LRMDA: variants seen among roughly 807,000 people sequenced by gnomAD.
The protein encoded by LRMDA is leucine rich melanocyte differentiation associated, also known as leucine-rich melanocyte differentiation-associated protein.
LRMDA carries 18 observed loss-of-function variants against 29.8 expected under a neutral mutation model. The observed-to-expected ratio is 0.60, with a 90% CI of 0.42 to 0.90. LRMDA has a LOEUF of 0.90. Among genes scored for constraint, LRMDA ranks in the 40% least tolerant of loss-of-function variants. The pLI is 0.00. For missense variants in LRMDA, 273 were observed against 273.9 expected (o/e 1.00, Z 0.02); for synonymous variants, 125 against 109.4 (o/e 1.14, Z -0.89).
intron 5 of LRMDA, among the ~76,000 whole-genome samples, chr10:76,271,372 C>G (rs1389447361): frequency 6.6e-6 from 1 of 151,854 alleles, no homozygotes; most frequent in African/African-American, 2.4e-5. Flanking sequence ...CATGCCACTG[C>G]ACTCCAGCCT....
intron 2 of LRMDA, among the ~76,000 whole-genome samples, chr10:75,897,817 CTTTTTTTTT>C (rs3042518): frequency 8.9e-5 from 7 of 78,420 alleles, no homozygotes; most frequent in South Asian, 5.5e-4. Context: ...TTCTTCCTGC[CTTTTTTTTT>C]TTTTTTTTTT....
intron 6 of LRMDA, among the ~76,000 whole-genome samples, chr10:76,487,525 A>G (rs1842794263): frequency 6.6e-6 from 1 of 151,870 alleles, no homozygotes; most frequent in Non-Finnish European, 1.5e-5. Context: ...AGGGAATGTC[A>G]AAGTAAACTC....
chr10:75,454,789 C>G (rs984995459), intron 2 of LRMDA, among the ~76,000 whole-genome samples: 1 of 152,292 alleles, frequency 6.6e-6, no homozygotes, highest in Admixed American at 6.5e-5. Flanking sequence ...GAATTCAATT[C>G]TTTCAGGCTG....
chr10:76,234,622 A>G (rs1009737375), intron 5 of LRMDA, among the ~76,000 whole-genome samples: 1 of 152,148 alleles, frequency 6.6e-6, no homozygotes, highest in Non-Finnish European at 1.5e-5. Context: ...ACCTTCATCA[A>G]ATCTTAGCTG....
chr10:76,374,491 G>A (rs1341738235), intron 6 of LRMDA, among the ~76,000 whole-genome samples: 1 of 152,116 alleles, frequency 6.6e-6, no homozygotes, highest in Middle Eastern at 3.2e-3. Context: ...AAGTGCATAG[G>A]GAGACTGAAT....
At position 75,687,552 on chromosome 10, in the gene LRMDA, C is replaced by T. The variant is rs78527918; in HGVS notation, c.131+249058C>T. ...TGTTCAGGAGGTTTAAGGAAAGAAG[C>T]CATCATCTCTGTAACATGAAAGTGC... On this transcript the variant is annotated intron_variant, in intron 2 of 6. Coordinates refer to ENST00000611255, the MANE Select transcript of LRMDA (RefSeq NM_001305581.2). Among the ~76,000 whole-genome samples, 1,463 of 152,286 alleles carry T rather than the reference C, an allele frequency of 9.6e-3. 22 individuals are homozygous for T. The highest frequency in any genetic ancestry group is 0.033 in the African/African-American group (1,385 of 41,550).
chr10:76,087,035 A>G (rs550385713), intron 5 of LRMDA, among the ~76,000 whole-genome samples: 1 of 152,268 alleles, frequency 6.6e-6, no homozygotes, highest in East Asian at 1.9e-4. Context: ...GATATACCAA[A>G]GGCCAATTAT....
intron 5 of LRMDA, among the ~76,000 whole-genome samples, chr10:76,115,404 A>G (rs536003175): frequency 1.3e-5 from 2 of 152,326 alleles, no homozygotes; most frequent in East Asian, 3.9e-4. Context: ...GGAGAGTAGT[A>G]AGGAAGCAGA....
chr10:76,527,017 TAAA>T (rs1843182954), intron 6 of LRMDA, among the ~76,000 whole-genome samples: 6 of 73,250 alleles, frequency 8.2e-5, no homozygotes, highest in Non-Finnish European at 1.6e-4. Flanking sequence ...AATAAATAAA[TAAA>T]TAAAAATGCC....
intron 2 of LRMDA, among the ~76,000 whole-genome samples, chr10:75,801,521 TG>T (rs1246910933): frequency 6.6e-6 from 1 of 152,218 alleles, no homozygotes; most frequent in Non-Finnish European, 1.5e-5. Context: ...TTCTATTAGT[TG>T]TTTATATTTT....
At chr10:76,354,899 T>C (rs1286928077) in intron 6 of LRMDA, among the ~76,000 whole-genome samples, 7 of 152,168 alleles carry the variant, frequency 4.6e-5, no homozygotes, top group Non-Finnish European at 1.0e-4. Flanking sequence ...CTGTCGAACA[T>C]GATGTCTTCT....
chr10:76,055,025 C>G (rs950576931), intron 4 of LRMDA, among the ~76,000 whole-genome samples: 1 of 126,920 alleles, frequency 7.9e-6, no homozygotes. Context: ...GATCATGCCA[C>G]TGCTCTCCAA....
chr10:75,958,874 GTACA>G (rs1320534365), intron 2 of LRMDA, among the ~76,000 whole-genome samples: 7 of 152,186 alleles, frequency 4.6e-5, no homozygotes, highest in African/African-American at 1.4e-4. Context: ...AAGGCACATC[GTACA>G]TGGTGGCAGA....
intron 5 of LRMDA, among the ~76,000 whole-genome samples, chr10:76,081,129 G>T (rs967674924): frequency 1.3e-5 from 2 of 152,214 alleles, no homozygotes; most frequent in Admixed American, 1.3e-4. Context: ...ATCAGATTTT[G>T]TATTGGCTTC....
Position 76,021,364 on chromosome 10 carries a change from C to G in LRMDA, c.132-14644C>G, listed in dbSNP as rs147967171. ...AATCTTTCTGCAGATCTTGGCAGAT[C>G]CTTAGAAGGTGATAGGAATAAAACC... On this transcript the variant is annotated intron_variant, in intron 2 of 6. Coordinates refer to ENST00000611255, the MANE Select transcript of LRMDA (RefSeq NM_001305581.2). Among the ~76,000 whole-genome samples, 285 of 152,266 alleles carry G rather than the reference C, an allele frequency of 1.9e-3. 3 individuals carry two copies. The highest frequency in any genetic ancestry group is 6.1e-3 in the African/African-American group (255 of 41,548).
chr10:76,021,876 G>A (rs938253301), intron 2 of LRMDA, among the ~76,000 whole-genome samples: 2 of 152,214 alleles, frequency 1.3e-5, no homozygotes, highest in African/African-American at 4.8e-5. Flanking sequence ...ACAGAGGCAG[G>A]AGCAGGGGGA....
chr10:76,477,117 G>A (rs1295713500), intron 6 of LRMDA, among the ~76,000 whole-genome samples: 1 of 152,124 alleles, frequency 6.6e-6, no homozygotes, highest in Admixed American at 6.6e-5. Flanking sequence ...AATTGTCCCT[G>A]TTTGCAGATG....
chr10:76,384,398 A>G lies in LRMDA; in HGVS notation c.601+59913A>G, dbSNP rs1237350869. On this transcript the variant is annotated intron_variant, in intron 6 of 6. Transcript: ENST00000611255. ...AAATGATATAAAGAAATGGAGAGAG[A>G]CACATGTGAAAACAAAATTTCATAT... is the stretch of plus-strand genomic sequence containing the variant. 7.2e-5 allele frequency among the ~76,000 whole-genome samples: 11 copies of G among 152,314 alleles called. No individual in the cohort carries two copies. In the East Asian group the frequency reaches 1.9e-3, roughly 27 times the overall value.
chr10:75,689,923 C>T (rs754778406), intron 2 of LRMDA, among the ~76,000 whole-genome samples: 3 of 152,146 alleles, frequency 2.0e-5, no homozygotes, highest in Non-Finnish European at 4.4e-5. Context: ...AGAATCTTCA[C>T]ATTGGACTAG....
Sources: allele counts gnomAD v4.1 joint callset (sites outside exome capture counted in the v4.1 genomes callset), GRCh38; gene constraint gnomAD v4.1.1; transcripts MANE v1.5; gene names NCBI Gene and HGNC (gene_info 2026-07-23, HGNC 2026-07-21).